Variants in PHTF1 observed in about 807,000 individuals in gnomAD.
PHTF1 encodes protein PHTF1.
In PHTF1, 88 loss-of-function variants were observed where a neutral mutation model predicts 102.4. The observed-to-expected ratio is 0.86, with a 90% CI of 0.72 to 1.03. PHTF1 has a LOEUF of 1.03. Ranked by LOEUF, PHTF1 falls within the 50% of genes least tolerant of loss-of-function variation. The pLI is 0.00. For synonymous variants in PHTF1, 289 were observed against 305.2 expected, an observed-to-expected ratio of 0.95 and a Z score of 0.55; for missense variants, 814 against 909.5, an observed-to-expected ratio of 0.89 and a Z score of 1.35.
intron 5 of PHTF1, among the ~76,000 whole-genome samples, chr1:113,732,109 G>A: frequency 6.6e-6 from 1 of 152,168 alleles, no homozygotes; most frequent in East Asian, 1.9e-4. Flanking sequence ...GGTTTTGGGG[G>A]GTCTTTTGGT....
At chr1:113,733,060 ATT>A (rs386368123) in intron 5 of PHTF1, among the ~76,000 whole-genome samples, 14 of 84,164 alleles carry the variant, frequency 1.7e-4, no homozygotes, top group African/African-American at 6.6e-4. Context: ...CGCCTGGCTA[ATT>A]TTTTTTTTTT....
rs770573333 is a variant in PHTF1, at chr1:113,704,163, C to T, written c.1808G>A (p.Arg603Gln). Reference sequence around the variant, plus strand: ...CACATCAACTGAACGCTGTGGCCCCCGTCTCTGTGGAGTGAGACACATGTG... The same window carrying T: ...CACATCAACTGAACGCTGTGGCCCCTGTCTCTGTGGAGTGAGACACATGTG... The part of the protein sequence containing the change: ...WLSLRSYLKR[R>Q]GPQRSVDVVV... The change falls in exon 15 of 19, where the codon CGG becomes CAG. Residue 603 changes from arginine to glutamine, a missense_variant. Coordinates refer to ENST00000369604, the MANE Select transcript of PHTF1 (RefSeq NM_001323043.2). 11 of 1,609,858 alleles carry T rather than the reference C, an allele frequency of 6.8e-6. No homozygotes were observed. The highest frequency in any genetic ancestry group is 4.5e-5 in the East Asian group (2 of 44,858).
chr1:113,710,215 A>T lies in PHTF1; in HGVS notation c.1269+39T>A, dbSNP rs775311300. The T allele has an allele frequency of 2.1e-6, 3 of 1,437,704 alleles. No homozygotes were observed. In the South Asian group the frequency reaches 3.4e-5, roughly 16 times the overall value. The allele number at this position is 1,437,704 out of a possible 1,614,324, so 89.1% of individuals were successfully genotyped here. A position where few individuals can be genotyped will look rare whatever the true frequency, so the allele number is the denominator to read the frequency against. On this transcript the variant is annotated intron_variant, in intron 11 of 18. Coordinates refer to ENST00000369604, the MANE Select transcript of PHTF1 (RefSeq NM_001323043.2). ...AGAGTGCCTGACACACAGTAAGAAC[A>T]CAATAAATACTAGCTATTCTTATCA...
chr1:113,705,465 A>T (rs1371815689), intron 13 of PHTF1, among the ~76,000 whole-genome samples: 1 of 151,930 alleles, frequency 6.6e-6, no homozygotes, highest in East Asian at 1.9e-4. Flanking sequence ...AATAAATCAC[A>T]CTTCTTCTGC....
At chr1:113,699,853 T>G (rs1649250071) in intron 16 of PHTF1, 54 bp from the exon 17 acceptor site, 1 of 755,704 alleles carries the variant, frequency 1.3e-6, no homozygotes, top group Non-Finnish European at 2.2e-6. Flanking sequence ...ATATATATAC[T>G]GCATAAAATC....
chr1:113,715,790 A>C (rs1422269445), intron 7 of PHTF1, among the ~76,000 whole-genome samples: 2 of 151,578 alleles, frequency 1.3e-5, no homozygotes, highest in Non-Finnish European at 2.9e-5. Context: ...AAAATCAAAC[A>C]AATTCTGGAG....
chr1:113,715,462 G>C (rs919265474), intron 7 of PHTF1, among the ~76,000 whole-genome samples: 5 of 151,712 alleles, frequency 3.3e-5, no homozygotes, highest in African/African-American at 1.2e-4. Context: ...TTCAAAACCA[G>C]CCTGGGCAAC....
At chr1:113,732,974 G>A (rs564257214) in intron 5 of PHTF1, among the ~76,000 whole-genome samples, 13 of 151,030 alleles carry the variant, frequency 8.6e-5, no homozygotes, top group African/African-American at 2.9e-4. Flanking sequence ...ATTGCTCACT[G>A]TAACTTCGAA....
chr1:113,743,005 G>T (rs1020950774), intron 3 of PHTF1, among the ~76,000 whole-genome samples: 1 of 151,778 alleles, frequency 6.6e-6, no homozygotes, highest in Non-Finnish European at 1.5e-5. Context: ...GTAGAGAAGG[G>T]GTCTTGCTTT....
intron 3 of PHTF1, chr1:113,747,000 C>T (rs2101663635): frequency 6.4e-6 from 1 of 155,688 alleles, no homozygotes; most frequent in East Asian, 1.9e-4. Context: ...CCTTTCTATG[C>T]CTCAATTCCT....
intron 3 of PHTF1, among the ~76,000 whole-genome samples, chr1:113,745,812 A>G (rs1657144470): frequency 1.3e-5 from 2 of 152,176 alleles, no homozygotes; most frequent in South Asian, 4.1e-4. Flanking sequence ...TTGCAGAAAA[A>G]CAAGCTAAGG....
At position 113,711,764 on chromosome 1, in the gene PHTF1, T is replaced by C; in HGVS notation, c.1029A>G (p.Glu343=). ...DSDSLAESEF[E]SAAFSQGSRS... is the part of the protein sequence containing the mutation. The stretch of plus-strand genomic sequence containing the variant: ...ACTTTACCTGGCTGAAGGCTGCTGA[T>C]TCAAATTCTGATTCAGCCAGACTAT... Residue 343 remains glutamate (E), a synonymous_variant, in exon 10 of 19, where the codon GAA becomes GAG. Coordinates refer to ENST00000369604, the MANE Select transcript of PHTF1 (RefSeq NM_001323043.2). The C allele has an allele frequency of 6.2e-7, 1 of 1,613,350 alleles. No homozygotes were observed.
At position 113,705,901 on chromosome 1, in the gene PHTF1, TTC is replaced by T; in HGVS notation, c.1658_1659del (p.Arg553AsnfsTer3). ...ATTTCTCCACTGACCTGTTTATATG[TTC>T]TCTCTGCCACACACATCATGAAAAA... ...MFFFMMCVAE[R>X]TYKQRFLFAK... is the part of the protein sequence containing the mutation. On this transcript the variant is annotated frameshift_variant, in exon 13 of 19. Transcript: ENST00000369604. LOFTEE classifies it high-confidence loss of function. 6.2e-7 allele frequency: 1 copy of T among 1,613,718 alleles called. No individual in the cohort carries two copies. Among genetic ancestry groups the T allele is most frequent in the East Asian group, 2.2e-5 (1 of 44,858 alleles).
chr1:113,698,160 C>A (rs1571063372), intron 18 of PHTF1, 102 bp downstream of exon 18: 1 of 148,298 alleles, frequency 6.7e-6, no homozygotes, highest in Non-Finnish European at 1.4e-5. Context: ...GAAACACACA[C>A]ACACACACAC....
At chr1:113,705,634 A>AGC in intron 13 of PHTF1, 2 of 355,368 alleles carry the variant, frequency 5.6e-6, no homozygotes, top group East Asian at 9.4e-5. Context: ...TGCAGATGCT[A>AGC]AGCAGTCGGC....
At chr1:113,698,789 A>G in intron 17 of PHTF1, 1 of 198,550 alleles carries the variant, frequency 5.0e-6, no homozygotes, top group Non-Finnish European at 1.0e-5. Flanking sequence ...ACAGCCTAGC[A>G]TCTATCTCTT....
chr1:113,737,969 C>A, intron 5 of PHTF1, 141 bp downstream of exon 5: 2 of 611,644 alleles, frequency 3.3e-6, no homozygotes, highest in Non-Finnish European at 5.7e-6. Flanking sequence ...AATATGAACC[C>A]CAAATGGCAT....
At chr1:113,697,806 C>A (rs1425716318) in intron 18 of PHTF1, 81 bp from the exon 19 acceptor site, 53 of 893,086 alleles carry the variant, frequency 5.9e-5, no homozygotes, top group Non-Finnish European at 9.2e-5. Flanking sequence ...TGACTATAAA[C>A]TAAGAATCCT....
chr1:113,746,336 A>T (rs1169444025), intron 3 of PHTF1, among the ~76,000 whole-genome samples: 1 of 152,204 alleles, frequency 6.6e-6, no homozygotes, highest in Non-Finnish European at 1.5e-5. Context: ...TAGGAAAGGT[A>T]AGAAAATGAA....
Sources: allele counts gnomAD v4.1 joint callset (sites outside exome capture counted in the v4.1 genomes callset), GRCh38; gene constraint gnomAD v4.1.1; transcripts MANE v1.5; gene names NCBI Gene and HGNC (gene_info 2026-07-23, HGNC 2026-07-21).